ATF6: variants seen among roughly 807,000 people sequenced by gnomAD.
The protein encoded by ATF6 is cyclic AMP-dependent transcription factor ATF-6 alpha.
A neutral mutation model predicts 83.6 loss-of-function variants in ATF6; 53 were observed. The observed-to-expected ratio is 0.63, with a 90% confidence interval of 0.51 to 0.80. The LOEUF (loss-of-function observed/expected upper bound fraction) is 0.80, where lower values mean the gene tolerates loss of function less well. ATF6 is among the 30% of genes least tolerant of loss of function. The pLI is 0.00. For synonymous variants in ATF6, 288 were observed against 285.8 expected (o/e 1.01, Z -0.08); for missense variants, 744 against 797.9 (o/e 0.93, Z 0.81).
chr1:161,957,900 G>A (rs958708296), intron 15 of ATF6, among the ~76,000 whole-genome samples: 2 of 152,126 alleles, frequency 1.3e-5, no homozygotes, highest in Non-Finnish European at 2.9e-5. Flanking sequence ...ACTCCTAATG[G>A]CAAACCTTTA....
intron 6 of ATF6, among the ~76,000 whole-genome samples, chr1:161,801,066 T>C (rs2101753388): frequency 6.6e-6 from 1 of 152,176 alleles, no homozygotes; most frequent in South Asian, 2.1e-4. Flanking sequence ...AAGTGTGGAG[T>C]TTTCCACTTG....
intron 9 of ATF6, among the ~76,000 whole-genome samples, chr1:161,833,854 T>C (rs904997253): frequency 6.6e-6 from 1 of 152,174 alleles, no homozygotes; most frequent in African/African-American, 2.4e-5. Flanking sequence ...CCAGGAGAAC[T>C]TCCCCAATCT....
At chr1:161,951,321 G>A (rs1385784846) in intron 15 of ATF6, among the ~76,000 whole-genome samples, 1 of 152,202 alleles carries the variant, frequency 6.6e-6, no homozygotes, top group East Asian at 1.9e-4. Flanking sequence ...GAGGATATTA[G>A]AAATCCAGAA....
At chr1:161,877,748 C>A (rs1371852373) in intron 14 of ATF6, among the ~76,000 whole-genome samples, 1 of 152,028 alleles carries the variant, frequency 6.6e-6, no homozygotes, top group Non-Finnish European at 1.5e-5. Flanking sequence ...GCAGAGAGAG[C>A]AGAGATACCA....
intron 9 of ATF6, 41 bp downstream of exon 9, chr1:161,821,202 A>T: frequency 7.5e-7 from 1 of 1,338,126 alleles, no homozygotes; most frequent in Non-Finnish European, 1.0e-6. Context: ...AATGCTAAAA[A>T]CTTAAATTCT....
intron 14 of ATF6, among the ~76,000 whole-genome samples, chr1:161,873,532 T>G (rs1290002702): frequency 1.3e-5 from 2 of 151,622 alleles, no homozygotes; most frequent in African/African-American, 4.8e-5. Context: ...CTCTTAATAT[T>G]TTAACTTTTG....
chr1:161,958,763 C>A lies in ATF6; in HGVS notation c.*109C>A. Reference sequence around the variant, plus strand: ...GTGGCAGGCAGAGAACTGTCTCGTACTAGAATTCAAGGAGGAAAGAAGAAG... The same window carrying A: ...GTGGCAGGCAGAGAACTGTCTCGTAATAGAATTCAAGGAGGAAAGAAGAAG... On this transcript the variant is annotated 3_prime_UTR_variant, in exon 16 of 16. Coordinates refer to ENST00000367942, the MANE Select transcript of ATF6 (RefSeq NM_007348.4). The A allele has an allele frequency of 2.2e-6, 2 of 917,080 alleles. No individual in the cohort carries two copies. The highest frequency in any genetic ancestry group is 2.7e-5 in the Admixed American group (1 of 37,154). 56.8% of individuals were successfully genotyped at this position (917,080 alleles called of 1,614,324 possible).
chr1:161,958,059 G>A (rs1413695581), intron 15 of ATF6, among the ~76,000 whole-genome samples: 3 of 152,182 alleles, frequency 2.0e-5, no homozygotes, highest in Non-Finnish European at 4.4e-5. Context: ...CAGGGAGGAG[G>A]ACTTAGGGAT....
At chr1:161,847,872 G>T (rs529625703) in intron 10 of ATF6, among the ~76,000 whole-genome samples, 3 of 152,164 alleles carry the variant, frequency 2.0e-5, no homozygotes, top group South Asian at 4.1e-4. Flanking sequence ...AGCTTTACAA[G>T]AATATTATTT....
At chr1:161,826,930 C>A (rs984435958) in intron 9 of ATF6, among the ~76,000 whole-genome samples, 1 of 92,356 alleles carries the variant, frequency 1.1e-5, no homozygotes. Context: ...TGATTGGCCC[C>A]ATTTTTTTTT....
intron 9 of ATF6, chr1:161,840,086 G>T (rs1686319851): frequency 6.6e-6 from 1 of 152,194 alleles, no homozygotes; most frequent in Admixed American, 6.5e-5. Flanking sequence ...AGGAAGACAA[G>T]TGTCCTGCTC....
intron 6 of ATF6, 124 bp from the exon 7 acceptor site, chr1:161,801,928 A>G: frequency 1.3e-6 from 1 of 780,380 alleles, no homozygotes. Flanking sequence ...GTTTTAATTG[A>G]TGGTGTCCAA....
At chr1:161,790,104 C>T (rs953981069) in intron 4 of ATF6, among the ~76,000 whole-genome samples, 19 of 151,914 alleles carry the variant, frequency 1.3e-4, no homozygotes, top group Non-Finnish European at 2.4e-4. Context: ...GTCTATTTTT[C>T]GCAAATATTT....
rs2101731022 is a variant in ATF6, at chr1:161,784,073, T to C, written c.331T>C (p.Tyr111His). The C allele has an allele frequency of 6.2e-7, 1 of 1,613,066 alleles. No homozygotes were observed. The highest frequency in any genetic ancestry group is 1.7e-4 in the Middle Eastern group (1 of 6,058). ...SVSSPRSVDS[Y>H]SSTQHVPEEL... Reference sequence around the variant, plus strand: ...CTCGTCTCCTCGGTCAGTGGACTCTTATTCTTCAACTCAGCATGTTCCTGT... The same window carrying C: ...CTCGTCTCCTCGGTCAGTGGACTCTCATTCTTCAACTCAGCATGTTCCTGT... The change falls in exon 4 of 16, where the codon TAT becomes CAT. Residue 111 changes from tyrosine (Y) to histidine (H), a missense_variant. Physicochemically the swap from Tyr to His is moderately conservative, Grantham distance 83. Transcript: ENST00000367942.
chr1:161,952,884 A>G (rs1688893217), intron 15 of ATF6, among the ~76,000 whole-genome samples: 2 of 152,162 alleles, frequency 1.3e-5, no homozygotes, highest in African/African-American at 4.8e-5. Flanking sequence ...GACAAAAACA[A>G]TGCTCCCAGC....
At position 161,860,171 on chromosome 1, in the gene ATF6, T is replaced by A. The variant is rs756210128; in HGVS notation, c.1534-36T>A. 2.4e-5 allele frequency: 35 copies of A among 1,461,192 alleles called. No individual in the cohort carries two copies. In the South Asian group the frequency reaches 2.7e-4, roughly 11 times the overall value. The allele number at this position is 1,461,192 out of a possible 1,614,324, so 90.5% of individuals were successfully genotyped here. On this transcript the variant is annotated intron_variant, in intron 12 of 15. Coordinates refer to ENST00000367942, the MANE Select transcript of ATF6 (RefSeq NM_007348.4). ...AGGAAGATTTCATATAATTTTGTGA[T>A]ACAGTATTAAACTTTTTTTTTTTTT...
intron 9 of ATF6, among the ~76,000 whole-genome samples, chr1:161,844,572 A>G (rs1217896570): frequency 1.3e-5 from 2 of 152,142 alleles, no homozygotes; most frequent in African/African-American, 4.8e-5. Flanking sequence ...GTATATGGAT[A>G]TTTCACTAAT....
Position 161,958,614 on chromosome 1 carries a change from C to A in ATF6, c.1973C>A (p.Ala658Glu), listed in dbSNP as rs771261728. 2.5e-6 allele frequency: 4 copies of A among 1,613,848 alleles called. No individual in the cohort carries two copies. Among genetic ancestry groups the A allele is most frequent in the Non-Finnish European group, 3.4e-6 (4 of 1,179,898 alleles). Residue 658 changes from alanine to glutamate, a missense_variant, in exon 16 of 16, where the codon GCA (alanine) becomes GAA (glutamate). Ala to Glu is a moderately radical substitution (Grantham distance 107). Transcript: ENST00000367942. ...GGCTCCCCTCCCGCAGCCACAGAGGCAACCCACGTTGTCAGCACCATCCCT... is the reference window on the plus strand; with the variant it reads ...GGCTCCCCTCCCGCAGCCACAGAGGAAACCCACGTTGTCAGCACCATCCCT... The part of the protein sequence containing the change: ...FFGSPPAATE[A>E]THVVSTIPES...
chr1:161,883,618 A>G (rs1288307518), intron 14 of ATF6, among the ~76,000 whole-genome samples: 1 of 152,064 alleles, frequency 6.6e-6, no homozygotes, highest in Non-Finnish European at 1.5e-5. Context: ...GGGTTCATTC[A>G]CAAGATATAA....
Sources: allele counts gnomAD v4.1 joint callset (sites outside exome capture counted in the v4.1 genomes callset), GRCh38; gene constraint gnomAD v4.1.1; transcripts MANE v1.5; gene names NCBI Gene and HGNC (gene_info 2026-07-23, HGNC 2026-07-21).